B3GAT2: variants seen among roughly 807,000 people sequenced by gnomAD.
B3GAT2 encodes the protein beta-1,3-glucuronyltransferase 2, also known as galactosylgalactosylxylosylprotein 3-beta-glucuronosyltransferase 2.
B3GAT2 carries 26 observed loss-of-function variants against 27.8 expected under a neutral mutation model. That is an observed-to-expected ratio of 0.93 (90% CI 0.68 to 1.30). The LOEUF (loss-of-function observed/expected upper bound fraction) is 1.30. Among genes scored for constraint, B3GAT2 ranks in the 50% most tolerant of loss-of-function variants. B3GAT2 has a pLI of 0.00. For synonymous variants in B3GAT2, 218 were observed against 195.1 expected (o/e 1.12, Z -0.98); for missense variants, 458 against 459.0 (o/e 1.00, Z 0.02).
Position 70,861,178 on chromosome 6 carries a change from T to C in B3GAT2, c.*485A>G, listed in dbSNP as rs183820984. On this transcript the variant is annotated 3_prime_UTR_variant, in exon 4 of 4. Coordinates refer to ENST00000230053, the MANE Select transcript of B3GAT2 (RefSeq NM_080742.3). ...ACATGACTCCATAGACCTTTTCATT[T>C]GTGGGTTTTTATTTCCTATGATGTA... 100 of 163,760 alleles carry C rather than the reference T, an allele frequency of 6.1e-4. 4 individuals carry two copies. In the East Asian group the frequency reaches 0.016, roughly 27 times the overall value. The allele number at this position is 163,760 out of a possible 1,614,324, so 10.1% of individuals were successfully genotyped here.
chr6:70,954,917 G>GGGC (rs1554218597), intron 1 of B3GAT2, among the ~76,000 whole-genome samples: 11 of 151,394 alleles, frequency 7.3e-5, no homozygotes, highest in East Asian at 1.9e-4. Flanking sequence ...GGGGGCGGCG[G>GGGC]GGGGGGGCGG....
At chr6:70,912,926 G>A (rs1028463698) in intron 1 of B3GAT2, among the ~76,000 whole-genome samples, 1 of 151,974 alleles carries the variant, frequency 6.6e-6, no homozygotes, top group South Asian at 2.1e-4. Context: ...AGAATTTATC[G>A]TTTCTTGTAG....
At chr6:70,864,227 A>G (rs904425507) in intron 2 of B3GAT2, among the ~76,000 whole-genome samples, 1 of 152,152 alleles carries the variant, frequency 6.6e-6, no homozygotes, top group Non-Finnish European at 1.5e-5. Flanking sequence ...TGGAAATGAT[A>G]TGGAGCCACC....
chr6:70,930,864 A>T (rs903153943), intron 1 of B3GAT2, among the ~76,000 whole-genome samples: 1 of 152,156 alleles, frequency 6.6e-6, no homozygotes, highest in Non-Finnish European at 1.5e-5. Flanking sequence ...AAATCATGCT[A>T]TTATAAAGAC....
rs1771463503 is a variant in B3GAT2 at position 70,857,204 on chromosome 6, A to G, written c.*4459T>C. 2 of 532,940 alleles carry G rather than the reference A, an allele frequency of 3.8e-6. No homozygotes were observed. Among genetic ancestry groups the G allele is most frequent in the Admixed American group, 7.4e-5 (2 of 27,206 alleles). 33.0% of individuals were successfully genotyped at this position (532,940 alleles called of 1,614,324 possible). A position where few individuals can be genotyped will look rare whatever the true frequency, so the allele number is the denominator to read the frequency against. On this transcript the variant is annotated 3_prime_UTR_variant, in exon 4 of 4. Coordinates refer to ENST00000230053, the MANE Select transcript of B3GAT2 (RefSeq NM_080742.3). The stretch of plus-strand genomic sequence containing the variant: ...TGAGCATTAGAATTAAAAAATTAAG[A>G]GGCATGTACAGGATTCACAGAACTT...
At chr6:70,920,197 A>C (rs1394256621) in intron 1 of B3GAT2, among the ~76,000 whole-genome samples, 5 of 152,222 alleles carry the variant, frequency 3.3e-5, no homozygotes, top group Admixed American at 3.3e-4. Flanking sequence ...GCTAGCAGTG[A>C]GCAAGGCACC....
intron 1 of B3GAT2, among the ~76,000 whole-genome samples, chr6:70,899,283 A>C (rs570774921): frequency 6.6e-6 from 1 of 152,330 alleles, no homozygotes; most frequent in Admixed American, 6.5e-5. Flanking sequence ...GGGTCATGAA[A>C]GGTATATAGG....
intron 1 of B3GAT2, among the ~76,000 whole-genome samples, chr6:70,943,618 T>C (rs1237321200): frequency 6.6e-6 from 1 of 152,190 alleles, no homozygotes; most frequent in Non-Finnish European, 1.5e-5. Flanking sequence ...TTAATATCTA[T>C]AGAAGTTATC....
intron 2 of B3GAT2, among the ~76,000 whole-genome samples, chr6:70,890,749 C>T (rs193146082): frequency 1.2e-4 from 19 of 152,280 alleles, no homozygotes; most frequent in Admixed American, 5.9e-4. Context: ...TGCACCAACT[C>T]CAGGTGGTGT....
chr6:70,949,768 G>A (rs1479715129), intron 1 of B3GAT2, among the ~76,000 whole-genome samples: 43 of 150,412 alleles, frequency 2.9e-4, no homozygotes, highest in East Asian at 1.2e-3. Context: ...TGTTTATTGC[G>A]GCACTATTCA....
intron 1 of B3GAT2, among the ~76,000 whole-genome samples, chr6:70,917,963 T>C (rs903749597): frequency 6.6e-6 from 1 of 152,206 alleles, no homozygotes; most frequent in African/African-American, 2.4e-5. Flanking sequence ...GTTAACTTTC[T>C]GTCTCGTTGA....
intron 1 of B3GAT2, among the ~76,000 whole-genome samples, chr6:70,911,735 C>T (rs1772691766): frequency 6.6e-6 from 1 of 152,104 alleles, no homozygotes; most frequent in Non-Finnish European, 1.5e-5. Context: ...TTGCTTTGGG[C>T]AGTATGGCCA....
intron 2 of B3GAT2, among the ~76,000 whole-genome samples, chr6:70,871,808 T>G (rs1413603890): frequency 6.6e-6 from 1 of 151,954 alleles, no homozygotes; most frequent in Non-Finnish European, 1.5e-5. Flanking sequence ...ATTTGAGATC[T>G]TTCTTCTTTT....
intron 1 of B3GAT2, among the ~76,000 whole-genome samples, chr6:70,944,546 T>A (rs1162030397): frequency 6.6e-6 from 1 of 152,138 alleles, no homozygotes; most frequent in Non-Finnish European, 1.5e-5. Context: ...CCAGGCTTGC[T>A]TAGGTAAACA....
intron 1 of B3GAT2, among the ~76,000 whole-genome samples, chr6:70,929,841 A>C (rs986819019): frequency 2.0e-5 from 3 of 152,208 alleles, no homozygotes; most frequent in Non-Finnish European, 2.9e-5. Flanking sequence ...GGAAAAAACT[A>C]CTTTAAAGTT....
chr6:70,884,504 TC>T (rs1363574336), intron 2 of B3GAT2, among the ~76,000 whole-genome samples: 1 of 152,146 alleles, frequency 6.6e-6, no homozygotes, highest in Non-Finnish European at 1.5e-5. Context: ...CCTAGTGTAC[TC>T]CCGGGCTAGC....
chr6:70,907,250 T>C (rs1428384013), intron 1 of B3GAT2, among the ~76,000 whole-genome samples: 1 of 152,132 alleles, frequency 6.6e-6, no homozygotes, highest in Non-Finnish European at 1.5e-5. Context: ...TCAGAGGAAG[T>C]GTGCTGGGCT....
At chr6:70,908,233 C>G (rs1170312985) in intron 1 of B3GAT2, among the ~76,000 whole-genome samples, 3 of 152,104 alleles carry the variant, frequency 2.0e-5, no homozygotes, top group Non-Finnish European at 4.4e-5. Context: ...GACATTGCCT[C>G]CAGGGAGTTA....
At chr6:70,943,653 G>C (rs1765427278) in intron 1 of B3GAT2, among the ~76,000 whole-genome samples, 1 of 152,104 alleles carries the variant, frequency 6.6e-6, no homozygotes, top group South Asian at 2.1e-4. Context: ...AGAATACGTA[G>C]TTTAAAAAAT....
Sources: gnomAD v4.1 joint callset for allele counts (sites outside exome capture counted in the v4.1 genomes callset) on GRCh38, gnomAD v4.1.1 for gene constraint, MANE v1.5 for transcripts, NCBI Gene and HGNC (gene_info 2026-07-23, HGNC 2026-07-21) for gene names.